Variants in SLC7A8 observed in about 807,000 individuals in gnomAD.
SLC7A8 encodes the protein large neutral amino acids transporter small subunit 2.
In SLC7A8, 30 loss-of-function variants were observed where a neutral mutation model predicts 51.2. The ratio of observed to expected loss-of-function variants is 0.59; its 90% CI spans 0.44 to 0.80. The LOEUF is 0.80. Ranked by LOEUF, SLC7A8 falls within the 30% of genes least tolerant of loss-of-function variation. The pLI is 0.00. For synonymous variants in SLC7A8, 257 were observed against 275.8 expected, an observed-to-expected ratio of 0.93 and a Z score of 0.67; for missense variants, 612 against 674.4, an observed-to-expected ratio of 0.91 and a Z score of 1.03.
At position 23,159,362 on chromosome 14, in the gene SLC7A8, C is replaced by T. The variant is rs186705122; in HGVS notation, c.508+5923G>A. Among the ~76,000 whole-genome samples the T allele has an allele frequency of 2.3e-3, 357 of 152,252 alleles. 2 individuals are homozygous for T. The highest frequency in any genetic ancestry group is 8.4e-3 in the African/African-American group (349 of 41,528). On this transcript the variant is annotated intron_variant, in intron 3 of 10. Transcript: ENST00000316902. ...TTTCAATACATTTAGATTTTAAATGCTGGCTAGTTAGAAGGCGTACAGAGA... is the reference window on the plus strand; with the variant it reads ...TTTCAATACATTTAGATTTTAAATGTTGGCTAGTTAGAAGGCGTACAGAGA...
intron 3 of SLC7A8, among the ~76,000 whole-genome samples, chr14:23,157,959 T>G (rs1274246834): frequency 6.6e-6 from 1 of 152,210 alleles, no homozygotes. Flanking sequence ...CCACAGTGCC[T>G]GGAGCAGAAC....
chr14:23,156,188 G>A (rs1167765090), intron 3 of SLC7A8: 1 of 152,138 alleles, frequency 6.6e-6, no homozygotes, highest in African/African-American at 2.4e-5. Context: ...AGTAGAGACA[G>A]GGTTTCTCCA....
At chr14:23,180,186 G>T (rs8010982) in intron 1 of SLC7A8, among the ~76,000 whole-genome samples, 186 of 152,110 alleles carry the variant, frequency 1.2e-3, no homozygotes, top group African/African-American at 4.1e-3. Context: ...GATTACAGGT[G>T]TGAGCCACCG....
At position 23,135,859 on chromosome 14, in the gene SLC7A8, T is replaced by A. The variant is rs116201064; in HGVS notation, c.1016+2062A>T. On this transcript the variant is annotated intron_variant, in intron 7 of 10. Transcript: ENST00000316902. ...CATCTGTAGCTTGAAAATATGTACA[T>A]CTATTATATACATATGAATATGAAA... Among the ~76,000 whole-genome samples the A allele has an allele frequency of 3.7e-3, 567 of 152,272 alleles. 3 individuals are homozygous for A. Among genetic ancestry groups the A allele is most frequent in the African/African-American group, 0.013 (538 of 41,542 alleles).
chr14:23,127,263 T>A lies in SLC7A8; in HGVS notation c.1522A>T (p.Asn508Tyr). 1 of 1,614,088 alleles carries A rather than the reference T, an allele frequency of 6.2e-7. No individual in the cohort carries two copies. Among genetic ancestry groups the A allele is most frequent in the Non-Finnish European group, 8.5e-7 (1 of 1,179,976 alleles). The change falls in exon 11 of 11, where the codon AAT (asparagine) becomes TAT (tyrosine). Residue 508 changes from asparagine (N) to tyrosine (Y), a missense_variant. Coordinates refer to ENST00000316902, the MANE Select transcript of SLC7A8 (RefSeq NM_012244.4). ...TGCTGCTGCTCCTCCATGTCCTCAT[T>A]AGCCTCCTCTGTCCCTGAGCCCCGC... is the stretch of plus-strand genomic sequence containing the variant. ...VERGSGTEEANEDMEEQQQPM... is the reference protein window; with the variant it reads ...VERGSGTEEAYEDMEEQQQPM...
intron 6 of SLC7A8, among the ~76,000 whole-genome samples, chr14:23,138,995 T>C (rs1394059536): frequency 1.3e-5 from 2 of 152,206 alleles, no homozygotes; most frequent in African/African-American, 2.4e-5. Context: ...CACACCTGAC[T>C]TCTGCTTCTG....
In SLC7A8 at chr14:23,128,335, G is replaced by C. The variant is rs764064019; in HGVS notation, c.1264-139C>G. The C allele has an allele frequency of 1.9e-6, 3 of 1,541,916 alleles. No individual in the cohort carries two copies. Among genetic ancestry groups the C allele is most frequent in the Admixed American group, 2.0e-5 (1 of 51,028 alleles). ...AGGCTGGGCTTCCCTCGGCTCTGTG[G>C]TCCCACACTCACCCCTGGTAGGGCA... On this transcript the variant is annotated intron_variant, in intron 9 of 10. Transcript: ENST00000316902. The surrounding 1 kb of genome is among the most constrained non-coding windows in gnomAD (Gnocchi z 4.3).
Position 23,181,266 on chromosome 14 carries a change from A to G in SLC7A8, c.151+1498T>C, listed in dbSNP as rs370174705. On this transcript the variant is annotated intron_variant, in intron 1 of 10. Transcript: ENST00000316902. Reference sequence around the variant, plus strand: ...TTGGCTGTTCTCATTTCTTTTGAACAATTGAGATAAAGTAAAGGAGAGGCA... The same window carrying G: ...TTGGCTGTTCTCATTTCTTTTGAACGATTGAGATAAAGTAAAGGAGAGGCA... Among the ~76,000 whole-genome samples the G allele has an allele frequency of 8.3e-4, 126 of 152,310 alleles. 1 individual carries two copies. The highest frequency in any genetic ancestry group is 2.9e-3 in the African/African-American group (121 of 41,564).
intron 1 of SLC7A8, among the ~76,000 whole-genome samples, chr14:23,179,970 A>G (rs1292823447): frequency 1.3e-5 from 2 of 150,382 alleles, no homozygotes; most frequent in East Asian, 2.0e-4. Context: ...CAGTGGCGCA[A>G]CCTTGGCTCA....
chr14:23,140,772 T>C (rs1013044307), intron 4 of SLC7A8, 148 bp from the exon 5 acceptor site: 1 of 750,274 alleles, frequency 1.3e-6, no homozygotes, highest in South Asian at 2.2e-5. Flanking sequence ...ATTGGATAAA[T>C]TGGGATAAAG....
chr14:23,129,595 C>T, intron 9 of SLC7A8, 55 bp downstream of exon 9: 1 of 1,584,920 alleles, frequency 6.3e-7, no homozygotes, highest in Middle Eastern at 1.8e-4. Flanking sequence ...AAAATCTGAA[C>T]TGCAGCTAGA....
At chr14:23,151,507 A>C (rs535735757) in intron 3 of SLC7A8, among the ~76,000 whole-genome samples, 1 of 152,158 alleles carries the variant, frequency 6.6e-6, no homozygotes, top group South Asian at 2.1e-4. Context: ...CTGTAATCCC[A>C]GTGACAGTAG....
At position 23,165,214 on chromosome 14, in the gene SLC7A8, G is replaced by A. The variant is rs2048943070; in HGVS notation, c.508+71C>T. 1 of 1,407,696 alleles carries A rather than the reference G, an allele frequency of 7.1e-7. No individual in the cohort carries two copies. The highest frequency in any genetic ancestry group is 9.3e-7 in the Non-Finnish European group (1 of 1,070,624). The allele number at this position is 1,407,696 out of a possible 1,614,324, so 87.2% of individuals were successfully genotyped here. On this transcript the variant is annotated intron_variant, in intron 3 of 10. Coordinates refer to ENST00000316902, the MANE Select transcript of SLC7A8 (RefSeq NM_012244.4). This position sits in a 1 kb window ranked among gnomAD's most constrained non-coding sequence, Gnocchi z 4.2. Reference sequence around the variant, plus strand: ...GCCTGAGTGACAGAGTGAAGACTCTGTTTCTAAAAATAATAATAATAAATA... The same window carrying A: ...GCCTGAGTGACAGAGTGAAGACTCTATTTCTAAAAATAATAATAATAAATA...
intron 3 of SLC7A8, chr14:23,155,360 C>A: frequency 1.3e-6 from 2 of 1,517,816 alleles, no homozygotes; most frequent in Non-Finnish European, 1.8e-6. Flanking sequence ...CTGCCCCATC[C>A]CCTCCCCTCC....
chr14:23,127,324 G>A lies in SLC7A8; in HGVS notation c.1461C>T (p.Ser487=), dbSNP rs1208578939. The A allele has an allele frequency of 6.2e-7, 1 of 1,614,038 alleles. No individual in the cohort carries two copies. The highest frequency in any genetic ancestry group is 8.5e-7 in the Non-Finnish European group (1 of 1,179,950). Residue 487 remains serine, a synonymous_variant, in exon 11 of 11, where the codon AGC becomes AGT. Coordinates refer to ENST00000316902, the MANE Select transcript of SLC7A8 (RefSeq NM_012244.4). ...SDFIELLTLV[S]QKMCVVVYPE... ...GGTACACGACCACACACATCTTCTG[G>A]CTCACCAGGGTTAGCAGCTCTGTAG...
chr14:23,181,116 G>T (rs1429017827), intron 1 of SLC7A8, among the ~76,000 whole-genome samples: 1 of 152,146 alleles, frequency 6.6e-6, no homozygotes, highest in Non-Finnish European at 1.5e-5. Flanking sequence ...TGTGCCTGTG[G>T]GCGTGCGCAT....
At chr14:23,144,132 T>C (rs2048769251) in intron 3 of SLC7A8, among the ~76,000 whole-genome samples, 1 of 152,062 alleles carries the variant, frequency 6.6e-6, no homozygotes, top group African/African-American at 2.4e-5. Context: ...TTTTTGTGGA[T>C]TGTAGAGATC....
At chr14:23,130,723 A>T (rs546128064) in intron 8 of SLC7A8, among the ~76,000 whole-genome samples, 3 of 152,356 alleles carry the variant, frequency 2.0e-5, no homozygotes. Context: ...GCAATGCTGT[A>T]AAATGCTCTT....
intron 10 of SLC7A8, 124 bp downstream of exon 10, chr14:23,127,895 C>T (rs1320379065): frequency 2.5e-6 from 2 of 813,932 alleles, no homozygotes; most frequent in African/African-American, 1.7e-5. Flanking sequence ...TCTTCCAGGG[C>T]TCTGTGGACT....
Sources: allele counts gnomAD v4.1 joint callset (sites outside exome capture counted in the v4.1 genomes callset), GRCh38; gene constraint gnomAD v4.1.1; non-coding constraint Gnocchi (gnomAD v3.1); transcripts MANE v1.5; gene names NCBI Gene and HGNC (gene_info 2026-07-23, HGNC 2026-07-21).